GTF2A1L: variants seen among roughly 807,000 people sequenced by gnomAD.
GTF2A1L encodes general transcription factor IIA subunit 1 like, also known as TFIIA-alpha and beta-like factor.
In GTF2A1L, 48 loss-of-function variants were observed where a neutral mutation model predicts 49.7. The ratio of observed to expected loss-of-function variants is 0.97; its 90% CI spans 0.77 to 1.23. GTF2A1L has a LOEUF of 1.23. GTF2A1L is among the 50% of genes most tolerant of loss of function. The pLI, the probability that GTF2A1L is intolerant of heterozygous loss-of-function variation, is 0.00. For missense variants in GTF2A1L, 736 were observed against 564.8 expected (o/e 1.30, Z -3.07); for synonymous variants, 246 against 193.5 (o/e 1.27, Z -2.25).
intron 8 of GTF2A1L, 122 bp downstream of exon 8, chr2:48,671,802 T>C: frequency 2.2e-6 from 2 of 921,272 alleles, no homozygotes; most frequent in Non-Finnish European, 3.2e-6. Context: ...AGCAGTTTAA[T>C]TCTGGAAATT....
chr2:48,650,350 G>T (rs1159539583), intron 6 of GTF2A1L, among the ~76,000 whole-genome samples: 1 of 152,040 alleles, frequency 6.6e-6, no homozygotes, highest in African/African-American at 2.4e-5. Context: ...AAATCTAATT[G>T]ATCTGGAATG....
rs1304630075 is a variant in GTF2A1L, at chr2:48,646,700, T to C, written c.636T>C (p.Asn212=). 1.9e-5 allele frequency: 31 copies of C among 1,614,112 alleles called. No individual in the cohort carries two copies. The highest frequency in any genetic ancestry group is 2.6e-5 in the Non-Finnish European group (31 of 1,180,026). ...SGPVDRKHLE[N]ATSDILVSPG... Reference sequence around the variant, plus strand: ...CAGTAGATAGGAAACACTTAGAAAATGCCACCAGTGATATACTTGTATCTC... The same window carrying C: ...CAGTAGATAGGAAACACTTAGAAAACGCCACCAGTGATATACTTGTATCTC... Residue 212 remains asparagine, a synonymous_variant, in exon 6 of 9, where the codon AAT becomes AAC. Coordinates refer to ENST00000403751, the MANE Select transcript of GTF2A1L (RefSeq NM_006872.5).
At chr2:48,654,196 A>T (rs1290224569) in intron 6 of GTF2A1L, among the ~76,000 whole-genome samples, 1 of 152,110 alleles carries the variant, frequency 6.6e-6, no homozygotes, top group Non-Finnish European at 1.5e-5. Context: ...AATTTTGATG[A>T]AGTCCAGTTT....
intron 3 of GTF2A1L, among the ~76,000 whole-genome samples, chr2:48,638,490 T>C (rs112217677): frequency 1.3e-5 from 2 of 152,278 alleles, no homozygotes; most frequent in African/African-American, 4.8e-5. Context: ...CTTATCTCAA[T>C]AGATGCAGAA....
chr2:48,670,933 T>C (rs1047347316), intron 7 of GTF2A1L, among the ~76,000 whole-genome samples: 8 of 151,452 alleles, frequency 5.3e-5, no homozygotes, highest in Admixed American at 2.0e-4. Flanking sequence ...AAATGATTCT[T>C]ATGCCTCAGC....
chr2:48,624,118 ATC>A (rs1231148206), intron 3 of GTF2A1L, among the ~76,000 whole-genome samples: 1 of 105,242 alleles, frequency 9.5e-6, no homozygotes, highest in Non-Finnish European at 2.4e-5. Flanking sequence ...AATTTCCTGT[ATC>A]TTCAGTTCTC....
In GTF2A1L at chr2:48,670,091, T is replaced by A. The variant is rs1311844596; in HGVS notation, c.1239+109T>A. 3 of 1,446,020 alleles carry A rather than the reference T, an allele frequency of 2.1e-6. No individual in the cohort carries two copies. The East Asian group carries it at 7.3e-5, about 35-fold the overall frequency. The allele number at this position is 1,446,020 out of a possible 1,614,324, so 89.6% of individuals were successfully genotyped here. On this transcript the variant is annotated intron_variant, in intron 7 of 8. Transcript: ENST00000403751. ...CAAGATTAATCTTTTCTTTACTCTTTTGAAATAAGACTTATTTGGGGCCGG... is the reference window on the plus strand; with the variant it reads ...CAAGATTAATCTTTTCTTTACTCTTATGAAATAAGACTTATTTGGGGCCGG...
chr2:48,626,923 G>A (rs1448523511), intron 3 of GTF2A1L, among the ~76,000 whole-genome samples: 1 of 143,506 alleles, frequency 7.0e-6, no homozygotes, highest in Non-Finnish European at 1.6e-5. Context: ...TTGTTTTTAT[G>A]ATTTTTTGGA....
intron 6 of GTF2A1L, among the ~76,000 whole-genome samples, chr2:48,661,559 C>G (rs777996350): frequency 6.6e-6 from 1 of 151,902 alleles, no homozygotes; most frequent in African/African-American, 2.4e-5. Flanking sequence ...TGGCCTGTTG[C>G]ATATATCTGG....
In GTF2A1L at chr2:48,617,895, G is replaced by T. The variant is rs187235608; in HGVS notation, c.21G>T (p.Val7=). 21 of 1,551,822 alleles carry T rather than the reference G, an allele frequency of 1.4e-5. No homozygotes were observed. The East Asian group carries it at 4.9e-4, about 36-fold the overall frequency. The change falls in exon 1 of 9, where the codon GTG becomes GTT. Residue 7 remains valine (V), a splice_region_variant and synonymous_variant. Coordinates refer to ENST00000403751, the MANE Select transcript of GTF2A1L (RefSeq NM_006872.5). ...CTGTCATGGCCTGCCTCAACCCGGT[G>T]GTAAGGAAGACCTCAGGCTCTGTGT... MACLNP[V]PKLYRSVIED...
At chr2:48,624,261 T>A (rs1676179763) in intron 3 of GTF2A1L, among the ~76,000 whole-genome samples, 1 of 144,646 alleles carries the variant, frequency 6.9e-6, no homozygotes, top group Admixed American at 7.0e-5. Flanking sequence ...AATATTGGTT[T>A]ATTTAAAAAT....
At position 48,639,856 on chromosome 2, in the gene GTF2A1L, A is replaced by G. The variant is rs185500870; in HGVS notation, c.248-2546A>G. ...AACTTAAACAAATTTACAAGAGAAGAACAAACAGTCCCGTTAAAATGTGGA... is the reference window on the plus strand; with the variant it reads ...AACTTAAACAAATTTACAAGAGAAGGACAAACAGTCCCGTTAAAATGTGGA... On this transcript the variant is annotated intron_variant, in intron 3 of 8. Transcript: ENST00000403751. Among the ~76,000 whole-genome samples the G allele has an allele frequency of 5.9e-5, 9 of 152,362 alleles. No homozygotes were observed. In the East Asian group the frequency reaches 1.7e-3, roughly 29 times the overall value.
At chr2:48,639,949 C>G (rs1006760743) in intron 3 of GTF2A1L, among the ~76,000 whole-genome samples, 1 of 152,072 alleles carries the variant, frequency 6.6e-6, no homozygotes, top group Non-Finnish European at 1.5e-5. Flanking sequence ...TGAAAAAAAG[C>G]TCAATATTAC....
intron 3 of GTF2A1L, among the ~76,000 whole-genome samples, chr2:48,637,293 G>A (rs1283040527): frequency 1.3e-5 from 2 of 152,076 alleles, no homozygotes; most frequent in East Asian, 3.8e-4. Context: ...TTTTGATGGT[G>A]AATAAGAAAC....
intron 6 of GTF2A1L, among the ~76,000 whole-genome samples, chr2:48,656,348 G>GTTTTTTTTTTTTTTT (rs367837291): frequency 8.7e-6 from 1 of 114,560 alleles, no homozygotes; most frequent in African/African-American, 3.5e-5. Context: ...CTTATTTTCT[G>GTTTTTTTTTTTTTTT]TTTTTTTTTT....
intron 6 of GTF2A1L, chr2:48,647,264 A>C: frequency 2.3e-6 from 1 of 431,776 alleles, no homozygotes; most frequent in Non-Finnish European, 4.0e-6. Context: ...AAGTGTACAG[A>C]TCAGTAGTGT....
At chr2:48,644,243 T>C (rs1677370399) in intron 4 of GTF2A1L, among the ~76,000 whole-genome samples, 1 of 152,212 alleles carries the variant, frequency 6.6e-6, no homozygotes. Context: ...AGAATAAATG[T>C]TTTAACTCTT....
chr2:48,656,366 T>G (rs576220229), intron 6 of GTF2A1L, among the ~76,000 whole-genome samples: 27 of 150,128 alleles, frequency 1.8e-4, no homozygotes, highest in Non-Finnish European at 2.4e-4. Context: ...TTTTTTTTTT[T>G]TTTTTTTTTT....
intron 3 of GTF2A1L, among the ~76,000 whole-genome samples, chr2:48,636,618 G>A (rs1020539278): frequency 2.0e-5 from 3 of 152,164 alleles, no homozygotes; most frequent in Admixed American, 2.0e-4. Flanking sequence ...CTTTGTCTTG[G>A]TATCATGAAA....
Sources: allele counts gnomAD v4.1 joint callset (sites outside exome capture counted in the v4.1 genomes callset), GRCh38; gene constraint gnomAD v4.1.1; transcripts MANE v1.5; gene names NCBI Gene and HGNC (gene_info 2026-07-23, HGNC 2026-07-21).